The following FAM174A variants were observed in gnomAD, a reference collection of about 807,000 sequenced individuals.
The protein encoded by FAM174A is membrane protein FAM174A.
A neutral mutation model predicts 14.3 loss-of-function variants in FAM174A; 14 were observed. The ratio of observed to expected loss-of-function variants is 0.98; its 90% CI spans 0.65 to 1.53. The LOEUF (loss-of-function observed/expected upper bound fraction) is 1.53, where lower values mean the gene tolerates loss of function less well. Among genes scored for constraint, FAM174A ranks in the 40% most tolerant of loss-of-function variants. The pLI, the probability that FAM174A is intolerant of heterozygous loss-of-function variation, is 0.00. For synonymous variants in FAM174A, 108 were observed against 111.4 expected, an observed-to-expected ratio of 0.97 and a Z score of 0.19; for missense variants, 241 against 249.6, an observed-to-expected ratio of 0.97 and a Z score of 0.23.
intron 1 of FAM174A, 30 bp from the exon 2 acceptor site, chr5:100,562,024 T>C: frequency 7.6e-7 from 1 of 1,320,518 alleles, no homozygotes. Context: ...ATTAAATAAT[T>C]TTTATTCATT....
chr5:100,554,708 A>G (rs1169918126), intron 1 of FAM174A, among the ~76,000 whole-genome samples: 1 of 152,180 alleles, frequency 6.6e-6, no homozygotes, highest in African/African-American at 2.4e-5. Context: ...TTAGCAAAGT[A>G]TGGCCCACAG....
At chr5:100,575,564 C>G (rs1160936845) in intron 2 of FAM174A, among the ~76,000 whole-genome samples, 1 of 152,062 alleles carries the variant, frequency 6.6e-6, no homozygotes, top group Non-Finnish European at 1.5e-5. Context: ...ATCCATGTCC[C>G]TAAAACCATA....
chr5:100,540,103 A>G (rs191981245), intron 1 of FAM174A, among the ~76,000 whole-genome samples: 1 of 152,314 alleles, frequency 6.6e-6, no homozygotes, highest in African/African-American at 2.4e-5. Context: ...CAAGTCACTA[A>G]TGATTTATGC....
At chr5:100,561,056 T>G (rs1027825359) in intron 1 of FAM174A, among the ~76,000 whole-genome samples, 1 of 151,874 alleles carries the variant, frequency 6.6e-6, no homozygotes, top group African/African-American at 2.4e-5. Context: ...CTCAGAGAAC[T>G]TAGTGGGAGA....
At chr5:100,584,112 G>C (rs752827917) in intron 2 of FAM174A, among the ~76,000 whole-genome samples, 1 of 152,178 alleles carries the variant, frequency 6.6e-6, no homozygotes, top group East Asian at 1.9e-4. Context: ...AGTGGAACCA[G>C]TCCAGAAAAA....
chr5:100,544,009 C>G (rs1746117482), intron 1 of FAM174A, among the ~76,000 whole-genome samples: 1 of 151,912 alleles, frequency 6.6e-6, no homozygotes, highest in South Asian at 2.1e-4. Flanking sequence ...CTTTTTATAC[C>G]TTATTTAGAA....
chr5:100,571,743 A>C (rs1003328030), intron 2 of FAM174A, among the ~76,000 whole-genome samples: 14 of 150,212 alleles, frequency 9.3e-5, no homozygotes, highest in Non-Finnish European at 1.5e-4. Context: ...AGTAATAGAA[A>C]GGTTGAGAAA....
At chr5:100,572,844 T>C (rs1215618442) in intron 2 of FAM174A, among the ~76,000 whole-genome samples, 1 of 152,162 alleles carries the variant, frequency 6.6e-6, no homozygotes, top group African/African-American at 2.4e-5. Context: ...TCCACAATGG[T>C]TGAACTAGTT....
intron 1 of FAM174A, among the ~76,000 whole-genome samples, chr5:100,554,339 A>ATATCATTTAAT (rs1746320761): frequency 7.8e-6 from 1 of 128,066 alleles, no homozygotes. Flanking sequence ...TTTTTGAGAC[A>ATATCATTTAAT]GAGTCTTCAC....
intron 2 of FAM174A, among the ~76,000 whole-genome samples, chr5:100,570,615 A>G (rs746579015): frequency 6.6e-6 from 1 of 151,944 alleles, no homozygotes; most frequent in African/African-American, 2.4e-5. Context: ...CTACATCTTA[A>G]TCTCTTAGAT....
At chr5:100,564,307 C>A (rs1462533867) in intron 2 of FAM174A, among the ~76,000 whole-genome samples, 1 of 150,362 alleles carries the variant, frequency 6.7e-6, no homozygotes, top group Non-Finnish European at 1.5e-5. Context: ...AATAGGAAAT[C>A]AAAGGGAATT....
At chr5:100,553,318 T>G (rs1281213085) in intron 1 of FAM174A, among the ~76,000 whole-genome samples, 1 of 152,092 alleles carries the variant, frequency 6.6e-6, no homozygotes, top group East Asian at 1.9e-4. Context: ...GTTAGTATTT[T>G]CAGTAGTGTT....
At chr5:100,549,765 G>T (rs980683911) in intron 1 of FAM174A, among the ~76,000 whole-genome samples, 1 of 151,846 alleles carries the variant, frequency 6.6e-6, no homozygotes, top group Non-Finnish European at 1.5e-5. Flanking sequence ...CTAATAGAGA[G>T]GGTTTTTTTA....
chr5:100,566,936 G>C (rs960835407), intron 2 of FAM174A, among the ~76,000 whole-genome samples: 12 of 151,796 alleles, frequency 7.9e-5, no homozygotes, highest in African/African-American at 2.7e-4. Flanking sequence ...TAAAGAGTAA[G>C]GTGACAAAGA....
chr5:100,553,893 C>T (rs1326489834), intron 1 of FAM174A, among the ~76,000 whole-genome samples: 2 of 152,164 alleles, frequency 1.3e-5, no homozygotes, highest in Non-Finnish European at 2.9e-5. Context: ...TAGAGAAGAA[C>T]ATCAGATGAG....
At chr5:100,552,516 G>A (rs984410660) in intron 1 of FAM174A, among the ~76,000 whole-genome samples, 22 of 152,054 alleles carry the variant, frequency 1.4e-4, no homozygotes, top group Non-Finnish European at 2.4e-4. Flanking sequence ...GGTAGATACA[G>A]CAAATTACAG....
At chr5:100,581,775 T>C (rs893580654) in intron 2 of FAM174A, among the ~76,000 whole-genome samples, 1 of 152,088 alleles carries the variant, frequency 6.6e-6, no homozygotes, top group Non-Finnish European at 1.5e-5. Context: ...CTGAGGAAAT[T>C]CCCACTCAAG....
chr5:100,577,762 A>G (rs1746931493), intron 2 of FAM174A, among the ~76,000 whole-genome samples: 1 of 152,110 alleles, frequency 6.6e-6, no homozygotes, highest in South Asian at 2.1e-4. Flanking sequence ...GTAGTAGGAT[A>G]GTTCCTACTT....
intron 1 of FAM174A, among the ~76,000 whole-genome samples, chr5:100,552,902 T>C (rs984297713): frequency 2.6e-5 from 4 of 152,112 alleles, no homozygotes; most frequent in Non-Finnish European, 4.4e-5. Context: ...AATAACCATA[T>C]AGCTTTTTTC....
Sources: gnomAD v4.1 joint callset for allele counts (sites outside exome capture counted in the v4.1 genomes callset) on GRCh38, gnomAD v4.1.1 for gene constraint, MANE v1.5 for transcripts, NCBI Gene and HGNC (gene_info 2026-07-23, HGNC 2026-07-21) for gene names.